PDGFRL: variants seen among roughly 807,000 people sequenced by gnomAD.
The protein encoded by PDGFRL is platelet derived growth factor receptor like, also known as platelet-derived growth factor receptor-like protein.
In PDGFRL, 46 loss-of-function variants were observed where a neutral mutation model predicts 37.2. The ratio of observed to expected loss-of-function variants is 1.24; its 90% CI spans 0.98 to 1.58. The LOEUF (loss-of-function observed/expected upper bound fraction) is 1.58, where lower values mean the gene tolerates loss of function less well. Among genes scored for constraint, PDGFRL ranks in the 40% most tolerant of loss-of-function variants. The pLI is 0.00. For synonymous variants in PDGFRL, 251 were observed against 184.3 expected (o/e 1.36, Z -2.93); for missense variants, 692 against 467.6 (o/e 1.48, Z -4.43).
At position 17,616,426 on chromosome 8, in the gene PDGFRL, G is replaced by A. The variant is rs561623083; in HGVS notation, c.354-4625G>A. On this transcript the variant is annotated intron_variant, in intron 2 of 5. Coordinates refer to ENST00000251630, the MANE Select transcript of PDGFRL (RefSeq NM_001372073.1). The stretch of plus-strand genomic sequence containing the variant: ...GCCAGGATGGTCTCGATCTCTTGAC[G>A]TCGTGATCCACCCACCTCGGCCTCC... 8.5e-5 allele frequency among the ~76,000 whole-genome samples: 13 copies of A among 152,074 alleles called. No homozygotes were observed. The East Asian group carries it at 1.9e-3, about 23-fold the overall frequency.
chr8:17,622,098 G>A (rs1804647411), intron 3 of PDGFRL, among the ~76,000 whole-genome samples: 1 of 152,206 alleles, frequency 6.6e-6, no homozygotes, highest in Non-Finnish European at 1.5e-5. Flanking sequence ...TCAGGTCAGA[G>A]TGGAGAACTC....
At chr8:17,579,333 A>T (rs775831738) in intron 1 of PDGFRL, among the ~76,000 whole-genome samples, 60 of 151,964 alleles carry the variant, frequency 3.9e-4, no homozygotes, top group Admixed American at 2.1e-3. Context: ...TTTGGTTTTG[A>T]GTTGTGTTGT....
chr8:17,600,287 C>G (rs1352009902), intron 2 of PDGFRL, among the ~76,000 whole-genome samples: 1 of 152,126 alleles, frequency 6.6e-6, no homozygotes, highest in African/African-American at 2.4e-5. Context: ...GTGTCTTGGC[C>G]TTTGCAGTCC....
Position 17,577,591 on chromosome 8 carries a change from C to T in PDGFRL, c.55+284C>T, listed in dbSNP as rs188305653. On this transcript the variant is annotated intron_variant, in intron 1 of 5. Transcript: ENST00000251630. Reference sequence around the variant, plus strand: ...CCCCATCTCCGGGCGAACCAAGCATCCCCAGCCAGCGCCTGGTCCAGCCCC... The same window carrying T: ...CCCCATCTCCGGGCGAACCAAGCATTCCCAGCCAGCGCCTGGTCCAGCCCC... Among the ~76,000 whole-genome samples, 705 of 151,906 alleles carry T rather than the reference C, an allele frequency of 4.6e-3. 11 individuals carry two copies. The highest frequency in any genetic ancestry group is 0.017 in the African/African-American group (689 of 41,416).
At chr8:17,610,904 G>C (rs2517207) in intron 2 of PDGFRL, among the ~76,000 whole-genome samples, 1 of 150,930 alleles carries the variant, frequency 6.6e-6, no homozygotes, top group East Asian at 2.0e-4. Context: ...GTGAGATTCC[G>C]TCTCAAAAAA....
rs535443513 is a variant in PDGFRL, at chr8:17,587,033, G to A, written c.56-2435G>A. Reference sequence around the variant, plus strand: ...AATAACCAATTGACATAGTTAGGCTGAAGAGTCATATTCTTTTAAACAGTT... The same window carrying A: ...AATAACCAATTGACATAGTTAGGCTAAAGAGTCATATTCTTTTAAACAGTT... On this transcript the variant is annotated intron_variant, in intron 1 of 5. Transcript: ENST00000251630. 5.4e-4 allele frequency among the ~76,000 whole-genome samples: 83 copies of A among 152,314 alleles called. 1 individual carries two copies. Among genetic ancestry groups the A allele is most frequent in the African/African-American group, 1.8e-3 (74 of 41,546 alleles).
intron 1 of PDGFRL, among the ~76,000 whole-genome samples, chr8:17,583,311 C>T (rs1438820935): frequency 6.6e-6 from 1 of 152,152 alleles, no homozygotes; most frequent in South Asian, 2.1e-4. Context: ...TGCACCCTCA[C>T]CTTGGAAAAC....
intron 2 of PDGFRL, among the ~76,000 whole-genome samples, chr8:17,609,878 A>G (rs1031127843): frequency 6.6e-6 from 1 of 152,136 alleles, no homozygotes; most frequent in Non-Finnish European, 1.5e-5. Context: ...CTACACCAAG[A>G]AAACAGTTTG....
intron 2 of PDGFRL, among the ~76,000 whole-genome samples, chr8:17,608,454 G>T (rs551610374): frequency 6.6e-6 from 1 of 152,250 alleles, no homozygotes; most frequent in East Asian, 1.9e-4. Flanking sequence ...TACCCAGGTG[G>T]CTCGTGCATT....
chr8:17,630,440 T>G (rs535457042), intron 4 of PDGFRL, among the ~76,000 whole-genome samples: 1 of 152,228 alleles, frequency 6.6e-6, no homozygotes, highest in Non-Finnish European at 1.5e-5. Flanking sequence ...CTGTTGGTCA[T>G]GTCGAGTTTC....
chr8:17,629,838 C>T (rs1489725574), intron 4 of PDGFRL, among the ~76,000 whole-genome samples: 1 of 152,168 alleles, frequency 6.6e-6, no homozygotes, highest in Non-Finnish European at 1.5e-5. Context: ...TCCCAGGATT[C>T]TGTGTTCAAT....
At chr8:17,597,439 C>T (rs1411560320) in intron 2 of PDGFRL, among the ~76,000 whole-genome samples, 1 of 152,178 alleles carries the variant, frequency 6.6e-6, no homozygotes, top group Non-Finnish European at 1.5e-5. Context: ...TCTTGACACT[C>T]ACCTACAAAA....
chr8:17,619,321 T>G (rs1804587380), intron 2 of PDGFRL, among the ~76,000 whole-genome samples: 2 of 152,216 alleles, frequency 1.3e-5, no homozygotes, highest in African/African-American at 4.8e-5. Context: ...TGCCACAATA[T>G]AATAGAATTA....
At chr8:17,633,735 C>T (rs1341355029) in intron 4 of PDGFRL, among the ~76,000 whole-genome samples, 1 of 152,192 alleles carries the variant, frequency 6.6e-6, no homozygotes, top group African/African-American at 2.4e-5. Flanking sequence ...CCACCCAGTA[C>T]TTCCTCCCTG....
chr8:17,605,097 A>G (rs1387904420), intron 2 of PDGFRL, among the ~76,000 whole-genome samples: 1 of 152,174 alleles, frequency 6.6e-6, no homozygotes, highest in African/African-American at 2.4e-5. Context: ...AGCTTGGGCA[A>G]CAGAGTGAGA....
intron 2 of PDGFRL, among the ~76,000 whole-genome samples, chr8:17,616,980 G>T (rs956504528): frequency 1.3e-5 from 2 of 152,168 alleles, no homozygotes; most frequent in Admixed American, 1.3e-4. Flanking sequence ...AGGACTGTCA[G>T]CTCCCTCCTC....
chr8:17,608,994 GGA>G (rs1804346423), intron 2 of PDGFRL, among the ~76,000 whole-genome samples: 3 of 152,186 alleles, frequency 2.0e-5, no homozygotes, highest in African/African-American at 7.2e-5. Flanking sequence ...TGAGGCAGGA[GGA>G]TCACTTGAGC....
chr8:17,589,601 G>C lies in PDGFRL; in HGVS notation c.189G>C (p.Lys63Asn). 1 of 1,614,008 alleles carries C rather than the reference G, an allele frequency of 6.2e-7. No individual in the cohort carries two copies. The change falls in exon 2 of 6, where the codon AAG becomes AAC. Residue 63 changes from lysine (K) to asparagine (N), a missense_variant. By Grantham distance (94) the Lys-to-Asn change is moderately conservative. Transcript: ENST00000251630. ...GGGACTCAGCCAATTCAGCACCAAAGACGCAGTCTATCATGATGCAAGTGC... is the reference window on the plus strand; with the variant it reads ...GGGACTCAGCCAATTCAGCACCAAACACGCAGTCTATCATGATGCAAGTGC... ...KDRDSANSAP[K>N]TQSIMMQVLD...
chr8:17,621,593 ATAAAAT>A (rs1804635924), intron 3 of PDGFRL, among the ~76,000 whole-genome samples: 2 of 152,178 alleles, frequency 1.3e-5, no homozygotes, highest in African/African-American at 2.4e-5. Context: ...TTAAAATGAA[ATAAAAT>A]TAAGAACAAG....
Sources: gnomAD v4.1 joint callset for allele counts (sites outside exome capture counted in the v4.1 genomes callset) on GRCh38, gnomAD v4.1.1 for gene constraint, MANE v1.5 for transcripts, NCBI Gene and HGNC (gene_info 2026-07-23, HGNC 2026-07-21) for gene names.